SRGAP3: variants seen among roughly 807,000 people sequenced by gnomAD.
SRGAP3 encodes SLIT-ROBO Rho GTPase activating protein 3.
In SRGAP3, 39 loss-of-function variants were observed where a neutral mutation model predicts 121.1. That is an observed-to-expected ratio of 0.32 (90% CI 0.25 to 0.42). The LOEUF (loss-of-function observed/expected upper bound fraction) is 0.42. Among genes scored for constraint, SRGAP3 ranks in the 10% least tolerant of loss-of-function variants. The pLI, the probability that SRGAP3 is intolerant of heterozygous loss-of-function variation, is 1.00. For missense variants in SRGAP3, 1,213 were observed against 1,470.6 expected, an observed-to-expected ratio of 0.82 and a Z score of 2.86; for synonymous variants, 601 against 570.0, an observed-to-expected ratio of 1.05 and a Z score of -0.77.
At chr3:9,221,883 G>C (rs929778450) in intron 1 of SRGAP3, among the ~76,000 whole-genome samples, 1 of 152,222 alleles carries the variant, frequency 6.6e-6, no homozygotes, top group African/African-American at 2.4e-5. Context: ...TTACTACTAT[G>C]TATTGGTTTT....
chr3:9,079,380 T>C (rs1947131294), intron 4 of SRGAP3, among the ~76,000 whole-genome samples: 1 of 152,170 alleles, frequency 6.6e-6, no homozygotes, highest in Non-Finnish European at 1.5e-5. Context: ...AGTTCCTGCA[T>C]CATCACCTCA....
chr3:9,028,729 C>T (rs1944332264), intron 12 of SRGAP3, among the ~76,000 whole-genome samples: 1 of 152,176 alleles, frequency 6.6e-6, no homozygotes, highest in Non-Finnish European at 1.5e-5. Flanking sequence ...CCATGTTTCC[C>T]TGCCGTACAC....
intron 3 of SRGAP3, among the ~76,000 whole-genome samples, chr3:9,280,596 G>T (rs1467594620): frequency 2.0e-5 from 3 of 152,210 alleles, no homozygotes; most frequent in African/African-American, 7.2e-5. Flanking sequence ...CCATCAGGAG[G>T]CAGTAACGGT....
intron 1 of SRGAP3, among the ~76,000 whole-genome samples, chr3:9,243,648 AAGAG>A (rs533435777): frequency 0.012 from 1,811 of 149,302 alleles, 18 homozygotes; most frequent in South Asian, 0.044. Flanking sequence ...AAAAAAAAAA[AAGAG>A]AGAGAGAGAG....
chr3:8,985,835 A>G lies in SRGAP3; in HGVS notation c.2984T>C (p.Leu995Pro). 1 of 1,600,340 alleles carries G rather than the reference A, an allele frequency of 6.2e-7. No homozygotes were observed. Among genetic ancestry groups the G allele is most frequent in the Non-Finnish European group, 8.5e-7 (1 of 1,179,906 alleles). ...KQAPDVVLDTLEPLKNPPGPV... is the reference protein window; with the variant it reads ...KQAPDVVLDTPEPLKNPPGPV... Reference sequence around the variant, plus strand: ...GCCTGGCGGGTTCTTCAGGGGCTCCAGGGTGTCCAGCACCACATCTGGCGC... The same window carrying G: ...GCCTGGCGGGTTCTTCAGGGGCTCCGGGGTGTCCAGCACCACATCTGGCGC... Residue 995 changes from leucine (L) to proline (P), a missense_variant, in exon 22 of 22, where the codon CTG (leucine) becomes CCG (proline). By Grantham distance (98) the Leu-to-Pro change is moderately conservative (BLOSUM62 -3). This residue lies in a region of SRGAP3 where 420 missense variants were observed against 437.7 expected (regional missense o/e 0.96). Transcript: ENST00000383836. The surrounding 1 kb of genome is among the most constrained non-coding windows in gnomAD (Gnocchi z 5.1).
chr3:9,124,930 A>G lies in SRGAP3; in HGVS notation c.68-13T>C, dbSNP rs930128835. 5 of 1,613,622 alleles carry G rather than the reference A, an allele frequency of 3.1e-6. No homozygotes were observed. Among genetic ancestry groups the G allele is most frequent in the Non-Finnish European group, 4.2e-6 (5 of 1,180,010 alleles). On this transcript the variant is annotated splice_polypyrimidine_tract_variant and intron_variant, in intron 1 of 21. Coordinates refer to ENST00000383836, the MANE Select transcript of SRGAP3 (RefSeq NM_014850.4). ...TGCGTGCGGATCTCTGCGGGCACAC[A>G]AGGGTAGGAGCATGAGACTGGTGGT...
At chr3:9,099,485 G>A (rs1948123595) in intron 3 of SRGAP3, among the ~76,000 whole-genome samples, 1 of 152,278 alleles carries the variant, frequency 6.6e-6, no homozygotes, top group Non-Finnish European at 1.5e-5. Flanking sequence ...TTAGCGGGGA[G>A]CAGGAGAGCA....
intron 1 of SRGAP3, among the ~76,000 whole-genome samples, chr3:9,130,978 G>A (rs916401658): frequency 4.6e-5 from 7 of 152,172 alleles, no homozygotes; most frequent in East Asian, 1.9e-4. Flanking sequence ...GCAGTTTGCC[G>A]GGCTCAAAAT....
chr3:9,091,559 A>AT (rs1462855545), intron 3 of SRGAP3, among the ~76,000 whole-genome samples: 1 of 152,086 alleles, frequency 6.6e-6, no homozygotes, highest in Non-Finnish European at 1.5e-5. Flanking sequence ...TCCCAAAGTG[A>AT]TTGTGTTTTT....
rs1941679053 is a variant in SRGAP3 at position 8,985,954 on chromosome 3, G to C, written c.2887-22C>G. 1 of 1,599,522 alleles carries C rather than the reference G, an allele frequency of 6.3e-7. No individual in the cohort carries two copies. Among genetic ancestry groups the C allele is most frequent in the Admixed American group, 1.7e-5 (1 of 60,004 alleles). On this transcript the variant is annotated intron_variant, in intron 21 of 21. Transcript: ENST00000383836. The surrounding 1 kb of genome is among the most constrained non-coding windows in gnomAD (Gnocchi z 5.1). ...TGTCCTGGGGACAGAGGGAGCTGGG[G>C]TCAGCACAGTCTGGAGACCTGGAGT... is the stretch of plus-strand genomic sequence containing the variant.
chr3:9,217,020 G>A (rs1241959259), intron 1 of SRGAP3: 1 of 152,084 alleles, frequency 6.6e-6, no homozygotes, highest in Non-Finnish European at 1.5e-5. Flanking sequence ...GAGGAACAGG[G>A]AGTTCCTGTT....
intron 1 of SRGAP3, among the ~76,000 whole-genome samples, chr3:9,344,410 G>A (rs2955643): frequency 0.34 from 51,236 of 152,030 alleles, 10,516 homozygotes; most frequent in South Asian, 0.5. Flanking sequence ...AGCTGAGATC[G>A]TGCCACCGGA....
At chr3:9,057,827 C>T (rs1182482397) in intron 7 of SRGAP3, among the ~76,000 whole-genome samples, 1 of 152,170 alleles carries the variant, frequency 6.6e-6, no homozygotes, top group Non-Finnish European at 1.5e-5. Context: ...GAAGGAAACT[C>T]GATCGTCTGG....
rs560013106 is a variant in SRGAP3 at position 8,985,056 on chromosome 3, C to T, written c.*463G>A. 2.6e-5 allele frequency: 6 copies of T among 229,730 alleles called. No homozygotes were observed. The highest frequency in any genetic ancestry group is 1.3e-3 in the Middle Eastern group (1 of 758). 14.2% of individuals were successfully genotyped at this position (229,730 alleles called of 1,614,324 possible). Reference sequence around the variant, plus strand: ...GGAGATACTATATACACTTAGTATGCGTGTGTCCAGATCTAGTATATGTAT... The same window carrying T: ...GGAGATACTATATACACTTAGTATGTGTGTGTCCAGATCTAGTATATGTAT... On this transcript the variant is annotated 3_prime_UTR_variant, in exon 22 of 22. Transcript: ENST00000383836. The surrounding 1 kb of genome is among the most constrained non-coding windows in gnomAD (Gnocchi z 5.1).
intron 2 of SRGAP3, among the ~76,000 whole-genome samples, chr3:9,328,310 C>A (rs1955551049): frequency 6.6e-6 from 1 of 152,130 alleles, no homozygotes; most frequent in African/African-American, 2.4e-5. Context: ...AAGATTACTA[C>A]AGTAGTTGTA....
At chr3:9,030,224 C>A (rs986672580) in intron 12 of SRGAP3, among the ~76,000 whole-genome samples, 20 of 151,994 alleles carry the variant, frequency 1.3e-4, no homozygotes, top group African/African-American at 4.3e-4. Flanking sequence ...ACCTTTTTTC[C>A]CAGTCAAATG....
In SRGAP3 at chr3:9,047,454, C is replaced by G; in HGVS notation, c.1345G>C (p.Gly449Arg). The G allele has an allele frequency of 6.2e-7, 1 of 1,614,168 alleles. No homozygotes were observed. Among genetic ancestry groups the G allele is most frequent in the South Asian group, 1.1e-5 (1 of 91,078 alleles). The stretch of plus-strand genomic sequence containing the variant: ...TGCAGCTTGGTGATGAGGTTACTGC[C>G]ATTCACATACTCTTTAAATTTCTGT... ...YFTKFKEYVN[G>R]SNLITKLQAK... Residue 449 changes from glycine (G) to arginine (R), a missense_variant, in exon 10 of 22, where the codon GGC (glycine) becomes CGC (arginine). Gly to Arg is a moderately radical substitution (Grantham distance 125). This residue lies in a region of SRGAP3 where 793 missense variants were observed against 1,032.9 expected (regional missense o/e 0.77). Transcript: ENST00000383836.
intron 20 of SRGAP3, among the ~76,000 whole-genome samples, chr3:8,991,172 T>C (rs1410660728): frequency 6.6e-6 from 1 of 152,176 alleles, no homozygotes; most frequent in Non-Finnish European, 1.5e-5. Flanking sequence ...GCTTTGGTGA[T>C]GGTTAGTTGG....
intron 2 of SRGAP3, among the ~76,000 whole-genome samples, chr3:9,121,885 A>G (rs543578204): frequency 6.6e-6 from 1 of 152,284 alleles, no homozygotes; most frequent in East Asian, 1.9e-4. Flanking sequence ...CCATTCAGCC[A>G]GAGTTGTGGG....
Sources: allele counts gnomAD v4.1 joint callset (sites outside exome capture counted in the v4.1 genomes callset), GRCh38; gene constraint gnomAD v4.1.1; regional missense constraint gnomAD v4.1.1; non-coding constraint Gnocchi (gnomAD v3.1); transcripts MANE v1.5; gene names NCBI Gene and HGNC (gene_info 2026-07-23, HGNC 2026-07-21).